MLKL: variants seen among roughly 807,000 people sequenced by gnomAD.
MLKL encodes the protein mixed lineage kinase domain-like protein.
A neutral mutation model predicts 56.5 loss-of-function variants in MLKL; 55 were observed. The observed-to-expected ratio is 0.97, with a 90% confidence interval of 0.78 to 1.22. The LOEUF (loss-of-function observed/expected upper bound fraction) is 1.22, where lower values mean the gene tolerates loss of function less well. Ranked by LOEUF, MLKL falls within the 50% of genes most tolerant of loss-of-function variation. The pLI, the probability that MLKL is intolerant of heterozygous loss-of-function variation, is 0.00. For synonymous variants in MLKL, 251 were observed against 208.3 expected, an observed-to-expected ratio of 1.20 and a Z score of -1.76; for missense variants, 694 against 573.9, an observed-to-expected ratio of 1.21 and a Z score of -2.14.
chr16:74,673,858 T>C (rs1303440232), intron 10 of MLKL, among the ~76,000 whole-genome samples: 1 of 151,308 alleles, frequency 6.6e-6, no homozygotes, highest in Non-Finnish European at 1.5e-5. Context: ...GGAGGATCAC[T>C]TGAGCCCAGG....
intron 7 of MLKL, chr16:74,676,422 A>C (rs374031125): frequency 5.1e-6 from 5 of 985,372 alleles, no homozygotes. Flanking sequence ...CCAGGTACCC[A>C]AATCTAGGGG....
At chr16:74,673,476 C>T (rs1347334419) in intron 10 of MLKL, among the ~76,000 whole-genome samples, 1 of 152,122 alleles carries the variant, frequency 6.6e-6, no homozygotes, top group Non-Finnish European at 1.5e-5. Flanking sequence ...CCTCAGCCTC[C>T]CAAAGTGCTG....
At chr16:74,678,377 G>A (rs986548485) in intron 7 of MLKL, 1 of 157,400 alleles carries the variant, frequency 6.4e-6, no homozygotes, top group Non-Finnish European at 1.4e-5. Context: ...AATGGGCAGT[G>A]AGGGAAGGCA....
rs1237242622 is a variant in MLKL, at chr16:74,682,760, T to G, written c.847A>C (p.Met283Leu). The G allele has an allele frequency of 6.2e-7, 1 of 1,613,980 alleles. No homozygotes were observed. Among genetic ancestry groups the G allele is most frequent in the East Asian group, 2.2e-5 (1 of 44,890 alleles). The change falls in exon 6 of 11, where the codon ATG becomes CTG. Residue 283 changes from methionine to leucine, a missense_variant. Physicochemically the swap from Met to Leu is conservative, Grantham distance 15. Transcript: ENST00000308807. ...AGGGTCCCGAGTTCACAGTACTCCA[T>G]GACAATGGAGAATTGAGGCGGAGTC... ...TVTPPQFSIV[M>L]EYCELGTLRE...
rs1215574775 is a variant in MLKL, at chr16:74,691,481, A to T, written c.536-18T>A. On this transcript the variant is annotated intron_variant, in intron 3 of 10. Coordinates refer to ENST00000308807, the MANE Select transcript of MLKL (RefSeq NM_152649.4). ...TGGTAAATCTGACCTCACCCCCGAG[A>T]GGAAAGAAGACAAAAGAGTCAATGA... is the stretch of plus-strand genomic sequence containing the variant. 1 of 1,601,688 alleles carries T rather than the reference A, an allele frequency of 6.2e-7. No individual in the cohort carries two copies. The highest frequency in any genetic ancestry group is 8.5e-7 in the Non-Finnish European group (1 of 1,176,572).
intron 4 of MLKL, among the ~76,000 whole-genome samples, chr16:74,688,759 A>G (rs1314127197): frequency 6.6e-6 from 1 of 152,228 alleles, no homozygotes; most frequent in Non-Finnish European, 1.5e-5. Context: ...ATGAATGTAC[A>G]CAGAAACATT....
intron 1 of MLKL, among the ~76,000 whole-genome samples, chr16:74,698,887 G>A (rs1567623998): frequency 6.6e-6 from 1 of 152,198 alleles, no homozygotes; most frequent in Non-Finnish European, 1.5e-5. Context: ...GCCGAGGCAG[G>A]TGGATCACCT....
chr16:74,696,493 T>C (rs1438453525), intron 1 of MLKL, among the ~76,000 whole-genome samples: 1 of 151,818 alleles, frequency 6.6e-6, no homozygotes, highest in Non-Finnish European at 1.5e-5. Flanking sequence ...TACAGTCCTT[T>C]AAGAAAAATG....
rs569609825 is a variant in MLKL at position 74,693,180 on chromosome 16, C to T, written c.461-764G>A. Among the ~76,000 whole-genome samples, 26 of 152,210 alleles carry T rather than the reference C, an allele frequency of 1.7e-4. No individual in the cohort carries two copies. In the South Asian group the frequency reaches 4.4e-3, roughly 25 times the overall value. ...TAAAGATATCTTGAAATAGGCCAGG[C>T]GTGGTGGCTCATGCCTGTAATCCTA... On this transcript the variant is annotated intron_variant, in intron 2 of 10. Transcript: ENST00000308807.
chr16:74,679,929 G>C (rs1301981172), intron 6 of MLKL, among the ~76,000 whole-genome samples: 1 of 152,164 alleles, frequency 6.6e-6, no homozygotes, highest in East Asian at 1.9e-4. Context: ...TCAAGCAAGA[G>C]GTTGATTTCA....
intron 2 of MLKL, among the ~76,000 whole-genome samples, chr16:74,693,755 C>A (rs961598617): frequency 7.9e-5 from 12 of 151,976 alleles, no homozygotes; most frequent in Admixed American, 1.3e-4. Flanking sequence ...AGGCGCCCAC[C>A]ACCTCGCCCG....
intron 2 of MLKL, 139 bp downstream of exon 2, chr16:74,695,159 A>G (rs897194700): frequency 1.5e-5 from 14 of 907,196 alleles, no homozygotes; most frequent in Non-Finnish European, 2.1e-5. Flanking sequence ...GGCGAGAGCC[A>G]TCGCGCCCAG....
Position 74,695,662 on chromosome 16 carries a change from GC to G in MLKL, c.95del (p.Gly32AlafsTer7). ...GCTTGATCAGGCCGAGGACGCGGTG[GC>G]CCAGGCGCCGGCACTGTTTCTTGCA... ...KYCKKQCRRLGHRVLGLIKPL... is the reference protein window; with the variant it reads ...KYCKKQCRRLXHRVLGLIKPL... On this transcript the variant is annotated frameshift_variant, in exon 2 of 11. Transcript: ENST00000308807. LOFTEE classifies it high-confidence loss of function. 2 of 1,614,110 alleles carry G rather than the reference GC, an allele frequency of 1.2e-6. No homozygotes were observed. Among genetic ancestry groups the G allele is most frequent in the Non-Finnish European group, 1.7e-6 (2 of 1,180,036 alleles).
In MLKL at chr16:74,674,998, C is replaced by T. The variant is rs1959495455; in HGVS notation, c.1343G>A (p.Cys448Tyr). The T allele has an allele frequency of 6.2e-7, 1 of 1,614,068 alleles. No homozygotes were observed. Among genetic ancestry groups the T allele is most frequent in the African/African-American group, 1.3e-5 (1 of 74,922 alleles). ...CCGCACAGAGGGATCATGGGCCCGG[C>T]ACTCATCAATGATCTCCCGCAGCTC... ...PSELREIIDECRAHDPSVRPS... is the reference protein window; with the variant it reads ...PSELREIIDEYRAHDPSVRPS... The change falls in exon 10 of 11, where the codon TGC (cysteine) becomes TAC (tyrosine). Residue 448 changes from cysteine to tyrosine, a missense_variant. By Grantham distance (194) the Cys-to-Tyr change is radical (BLOSUM62 -2). Transcript: ENST00000308807.
rs1446348141 is a variant in MLKL, at chr16:74,672,007, A to C, written c.*497T>G. 5 of 152,872 alleles carry C rather than the reference A, an allele frequency of 3.3e-5. No homozygotes were observed. Among genetic ancestry groups the C allele is most frequent in the African/African-American group, 1.2e-4 (5 of 41,434 alleles). The allele number at this position is 152,872 out of a possible 1,614,324, so 9.5% of individuals were successfully genotyped here. ...TGGGCTAGTATGACTTCAGCTAGGAAAGCATGTTTCTGCTTCATGTGGTCT... is the reference window on the plus strand; with the variant it reads ...TGGGCTAGTATGACTTCAGCTAGGACAGCATGTTTCTGCTTCATGTGGTCT... On this transcript the variant is annotated 3_prime_UTR_variant, in exon 11 of 11. Transcript: ENST00000308807.
At chr16:74,679,043 A>T in intron 6 of MLKL, 63 bp from the exon 7 acceptor site, 1 of 1,324,840 alleles carries the variant, frequency 7.5e-7, no homozygotes. Flanking sequence ...GGGGACTGAC[A>T]ATCATAACTG....
chr16:74,695,896 G>T (rs1201115226), intron 1 of MLKL, 137 bp from the exon 2 acceptor site: 1 of 777,596 alleles, frequency 1.3e-6, no homozygotes, highest in Non-Finnish European at 2.0e-6. Context: ...AGATAGAGAT[G>T]GTTTGCTACC....
chr16:74,675,225 C>A (rs1959513555), intron 9 of MLKL, 125 bp from the exon 10 acceptor site: 3 of 1,553,782 alleles, frequency 1.9e-6, no homozygotes, highest in Admixed American at 1.8e-5. Context: ...TCCAACGATT[C>A]CACTGACCAG....
chr16:74,685,395 T>C (rs1960261768), intron 5 of MLKL, 91 bp downstream of exon 5: 2 of 931,190 alleles, frequency 2.1e-6, no homozygotes, highest in Admixed American at 2.1e-5. Context: ...CCACCCTTTG[T>C]GATGTTCTTT....
Sources: allele counts gnomAD v4.1 joint callset (sites outside exome capture counted in the v4.1 genomes callset), GRCh38; gene constraint gnomAD v4.1.1; transcripts MANE v1.5; gene names NCBI Gene and HGNC (gene_info 2026-07-23, HGNC 2026-07-21).